Variants in SCN11A observed in about 807,000 individuals in gnomAD.
The protein encoded by SCN11A is sodium channel protein type 11 subunit alpha.
SCN11A carries 122 observed loss-of-function variants against 162.2 expected under a neutral mutation model. The ratio of observed to expected loss-of-function variants is 0.75; its 90% CI spans 0.65 to 0.87. The LOEUF (loss-of-function observed/expected upper bound fraction) is 0.87, where lower values mean the gene tolerates loss of function less well. Among genes scored for constraint, SCN11A ranks in the 40% least tolerant of loss-of-function variants. The pLI is 0.00. For missense variants in SCN11A, 2,015 were observed against 2,181.6 expected, an observed-to-expected ratio of 0.92 and a Z score of 1.52; for synonymous variants, 758 against 751.5, an observed-to-expected ratio of 1.01 and a Z score of -0.14.
intron 2 of SCN11A, among the ~76,000 whole-genome samples, chr3:38,962,175 G>T (rs1317227385): frequency 1.3e-5 from 2 of 152,190 alleles, no homozygotes; most frequent in East Asian, 3.8e-4. Flanking sequence ...TCAGTTGGCT[G>T]TAAGTATTTG....
At chr3:38,976,503 TG>T (rs2066850767) in intron 2 of SCN11A, among the ~76,000 whole-genome samples, 1 of 152,348 alleles carries the variant, frequency 6.6e-6, no homozygotes, top group Admixed American at 6.5e-5. Context: ...TTTTGAGCAC[TG>T]ATATGACATT....
chr3:38,888,357 T>C lies in SCN11A; in HGVS notation c.2836-2119A>G, dbSNP rs551806195. On this transcript the variant is annotated intron_variant, in intron 19 of 29. Transcript: ENST00000302328. ...ATCTGAAATGGATGCCACAGAAGGATTTATTACAGACAATCATAGAACTTA... is the reference window on the plus strand; with the variant it reads ...ATCTGAAATGGATGCCACAGAAGGACTTATTACAGACAATCATAGAACTTA... Among the ~76,000 whole-genome samples the C allele has an allele frequency of 1.9e-3, 288 of 152,284 alleles. 2 individuals carry two copies. Among genetic ancestry groups the C allele is most frequent in the African/African-American group, 6.3e-3 (261 of 41,550 alleles).
rs541721319 is a variant in SCN11A, at chr3:39,017,390, G to A, written c.-280+14990C>T. ...ACTATTTTCTCACTTACATTGTTTC[G>A]AACAAGAAATCTAAAGTCATCCTCA... is the stretch of plus-strand genomic sequence containing the variant. On this transcript the variant is annotated intron_variant, in intron 2 of 29. Transcript: ENST00000302328. Among the ~76,000 whole-genome samples the A allele has an allele frequency of 4.6e-5, 7 of 152,284 alleles. No individual in the cohort carries two copies. The East Asian group carries it at 7.7e-4, about 17-fold the overall frequency.
Position 38,894,665 on chromosome 3 carries a change from G to T in SCN11A, c.2703C>A (p.Thr901=). 6.2e-7 allele frequency: 1 copy of T among 1,614,100 alleles called. No homozygotes were observed. The highest frequency in any genetic ancestry group is 8.5e-7 in the Non-Finnish European group (1 of 1,179,988). ...SETQEELGIL[T]SVPKTLGVRH... is the part of the protein sequence containing the mutation. Reference sequence around the variant, plus strand: ...TGACGCCCAGGGTCTTTGGTACAGAGGTTAGTATACCAAGCTCCTCCTGGG... The same window carrying T: ...TGACGCCCAGGGTCTTTGGTACAGATGTTAGTATACCAAGCTCCTCCTGGG... The change falls in exon 19 of 30, where the codon ACC becomes ACA. Residue 901 remains threonine (T), a synonymous_variant. Transcript: ENST00000302328.
At chr3:38,944,126 T>C (rs2066480782) in intron 7 of SCN11A, among the ~76,000 whole-genome samples, 1 of 152,150 alleles carries the variant, frequency 6.6e-6, no homozygotes, top group Admixed American at 6.5e-5. Flanking sequence ...GTTTTAAGTC[T>C]AACCCATCTG....
At position 38,995,819 on chromosome 3, in the gene SCN11A, G is replaced by GTCTATCTATCTATCTATCTATCTATCTA. The variant is rs373221139; in HGVS notation, c.-279-35424_-279-35397dup. ...AAATTGTCTATCTATCTATCTATCT[G>GTCTATCTATCTATCTATCTATCTATCTA]TCTATCTATCTATCTATCTATCTAT... On this transcript the variant is annotated intron_variant, in intron 2 of 29. Transcript: ENST00000302328. Among the ~76,000 whole-genome samples the GTCTATCTATCTATCTATCTATCTATCTA allele has an allele frequency of 7.6e-3, 1,081 of 141,736 alleles. 12 individuals are homozygous for GTCTATCTATCTATCTATCTATCTATCTA. The highest frequency in any genetic ancestry group is 0.018 in the East Asian group (87 of 4,846). The allele number at this position is 141,736 out of a possible 152,430, so 93.0% of individuals were successfully genotyped here.
At chr3:39,006,721 G>A (rs1190372352) in intron 2 of SCN11A, among the ~76,000 whole-genome samples, 1 of 152,134 alleles carries the variant, frequency 6.6e-6, no homozygotes, top group African/African-American at 2.4e-5. Flanking sequence ...AGGATTGCTT[G>A]AGCCCAGGGG....
chr3:38,931,729 C>A (rs2066243605), intron 7 of SCN11A, among the ~76,000 whole-genome samples: 1 of 152,188 alleles, frequency 6.6e-6, no homozygotes. Flanking sequence ...CCCAGTCCTA[C>A]TCCCCACCAG....
chr3:38,883,957 G>C (rs991630476), intron 21 of SCN11A, among the ~76,000 whole-genome samples: 1 of 152,208 alleles, frequency 6.6e-6, no homozygotes, highest in Non-Finnish European at 1.5e-5. Context: ...GGTCATACAC[G>C]AAAGAATTTG....
intron 28 of SCN11A, among the ~76,000 whole-genome samples, chr3:38,857,159 T>C (rs2064883515): frequency 6.6e-6 from 1 of 152,042 alleles, no homozygotes; most frequent in Admixed American, 6.6e-5. Context: ...AGAAGAAATC[T>C]CTGAATTTCC....
chr3:38,946,916 C>CAA lies in SCN11A; in HGVS notation c.268-11_268-10dup. 2.7e-6 allele frequency: 4 copies of CAA among 1,486,758 alleles called. No homozygotes were observed. Among genetic ancestry groups the CAA allele is most frequent in the Non-Finnish European group, 2.8e-6 (3 of 1,080,490 alleles). 92.1% of individuals were successfully genotyped at this position (1,486,758 alleles called of 1,614,324 possible). A position where few individuals can be genotyped will look rare whatever the true frequency, so the allele number is the denominator to read the frequency against. ...TTTAACACCATAAATGTCTGCAAAA[C>CAA]AAAAAAAACAATACAAGAAAACACA... is the stretch of plus-strand genomic sequence containing the variant. On this transcript the variant is annotated splice_polypyrimidine_tract_variant and intron_variant, in intron 5 of 29. Coordinates refer to ENST00000302328, the MANE Select transcript of SCN11A (RefSeq NM_001349253.2).
intron 3 of SCN11A, among the ~76,000 whole-genome samples, chr3:38,957,292 C>T (rs995087238): frequency 3.3e-5 from 5 of 152,126 alleles, no homozygotes; most frequent in East Asian, 1.9e-4. Flanking sequence ...TTACTTTTAA[C>T]GTTATATCCT....
rs73828728 is a variant in SCN11A, at chr3:38,947,161, C to T, written c.268-254G>A. 0.016 allele frequency among the ~76,000 whole-genome samples: 2,429 copies of T among 152,164 alleles called. 69 individuals are homozygous for T. Among genetic ancestry groups the T allele is most frequent in the African/African-American group, 0.056 (2,331 of 41,496 alleles). ...ACCCTTAATATTGTACTCCATGGTACGTATCAACGGGGAAAGGGACTAGAA... is the reference window on the plus strand; with the variant it reads ...ACCCTTAATATTGTACTCCATGGTATGTATCAACGGGGAAAGGGACTAGAA... On this transcript the variant is annotated intron_variant, in intron 5 of 29. Transcript: ENST00000302328.
intron 2 of SCN11A, among the ~76,000 whole-genome samples, chr3:39,024,970 C>T (rs1453113506): frequency 6.6e-6 from 1 of 152,150 alleles, no homozygotes; most frequent in Non-Finnish European, 1.5e-5. Flanking sequence ...TGCCTTTTCT[C>T]CAGTTAATCT....
chr3:38,935,603 A>T (rs1404873680), intron 7 of SCN11A, among the ~76,000 whole-genome samples: 1 of 152,246 alleles, frequency 6.6e-6, no homozygotes, highest in Admixed American at 6.5e-5. Flanking sequence ...AAACACCCCT[A>T]TGCAAATAAA....
chr3:38,873,830 A>C (rs1454175909), intron 23 of SCN11A, among the ~76,000 whole-genome samples: 1 of 152,206 alleles, frequency 6.6e-6, no homozygotes, highest in African/African-American at 2.4e-5. Flanking sequence ...ACTTGCATTT[A>C]TCACTCTGCA....
At position 38,904,279 on chromosome 3, in the gene SCN11A, A is replaced by T. The variant is rs903358101; in HGVS notation, c.1604-176T>A. Among the ~76,000 whole-genome samples the T allele has an allele frequency of 1.3e-5, 2 of 152,172 alleles. 1 individual carries two copies. The highest frequency in any genetic ancestry group is 4.1e-4 in the South Asian group (2 of 4,830). ...TTCCACCAATCTTAGTGCAGAAGAGACAATGTTCCACATACAACTAGCATG... is the reference window on the plus strand; with the variant it reads ...TTCCACCAATCTTAGTGCAGAAGAGTCAATGTTCCACATACAACTAGCATG... On this transcript the variant is annotated intron_variant, in intron 15 of 29. Transcript: ENST00000302328.
At chr3:39,024,672 TCTTC>T (rs2031540979) in intron 2 of SCN11A, among the ~76,000 whole-genome samples, 1 of 152,248 alleles carries the variant, frequency 6.6e-6, no homozygotes, top group Admixed American at 6.5e-5. Context: ...AGTTATCTGA[TCTTC>T]CTTGTTTGAC....
At chr3:38,926,715 T>A (rs1440421904) in intron 8 of SCN11A, 88 bp downstream of exon 8, 1 of 1,373,186 alleles carries the variant, frequency 7.3e-7, no homozygotes, top group African/African-American at 1.5e-5. Flanking sequence ...ACTCAGCCAC[T>A]CAAATGGATC....
Sources: allele counts gnomAD v4.1 joint callset (sites outside exome capture counted in the v4.1 genomes callset), GRCh38; gene constraint gnomAD v4.1.1; transcripts MANE v1.5; gene names NCBI Gene and HGNC (gene_info 2026-07-23, HGNC 2026-07-21).